CTDP1: variants seen among roughly 807,000 people sequenced by gnomAD.
The protein encoded by CTDP1 is RNA polymerase II subunit A C-terminal domain phosphatase.
Under a neutral mutation model 91.8 loss-of-function variants are expected in CTDP1, and 47 were observed. That is an observed-to-expected ratio of 0.51 (90% CI 0.41 to 0.65). CTDP1 has a LOEUF of 0.65. Among genes scored for constraint, CTDP1 ranks in the 30% least tolerant of loss-of-function variants. CTDP1 has a pLI of 0.00. For missense variants in CTDP1, 1,272 were observed against 1,373.7 expected, an observed-to-expected ratio of 0.93 and a Z score of 1.17; for synonymous variants, 656 against 598.5, an observed-to-expected ratio of 1.10 and a Z score of -1.40.
chr18:79,679,934 G>A lies in CTDP1; in HGVS notation c.-14G>A, dbSNP rs1370294922. ...CAGGCCCCGTACCGACCGCCCGCCC[G>A]CCCTCTGTCCGCGATGGAGGTGCCG... is the stretch of plus-strand genomic sequence containing the variant. On this transcript the variant is annotated 5_prime_UTR_variant, in exon 1 of 13. Coordinates refer to ENST00000613122, the MANE Select transcript of CTDP1 (RefSeq NM_004715.5). The A allele has an allele frequency of 5.8e-6, 8 of 1,376,716 alleles. No homozygotes were observed. In the Admixed American group the frequency reaches 2.3e-4, roughly 40 times the overall value. The allele number at this position is 1,376,716 out of a possible 1,614,324, so 85.3% of individuals were successfully genotyped here.
In CTDP1 at chr18:79,679,934, G is replaced by T. The variant is rs1370294922; in HGVS notation, c.-14G>T. ...CAGGCCCCGTACCGACCGCCCGCCC[G>T]CCCTCTGTCCGCGATGGAGGTGCCG... On this transcript the variant is annotated 5_prime_UTR_variant, in exon 1 of 13. Coordinates refer to ENST00000613122, the MANE Select transcript of CTDP1 (RefSeq NM_004715.5). 7.3e-7 allele frequency: 1 copy of T among 1,376,718 alleles called. No homozygotes were observed. The highest frequency in any genetic ancestry group is 9.4e-7 in the Non-Finnish European group (1 of 1,060,562). The allele number at this position is 1,376,718 out of a possible 1,614,324, so 85.3% of individuals were successfully genotyped here.
intron 10 of CTDP1, among the ~76,000 whole-genome samples, chr18:79,726,883 CGTTGCTGGTGG>C (rs1568206077): frequency 2.9e-5 from 2 of 68,248 alleles, no homozygotes; most frequent in African/African-American, 8.2e-5. Context: ...GGGGTGACGC[CGTTGCTGGTGG>C]ATGGCTGTCG....
In CTDP1 at chr18:79,681,509, C is replaced by T. The variant is rs960981713; in HGVS notation, c.314+1248C>T. ...GATTGTACAGAAAGGGCTGCTTTGG[C>T]CTAGACAGGTGAGTAACTTGGTTAT... On this transcript the variant is annotated intron_variant, in intron 1 of 12. Coordinates refer to ENST00000613122, the MANE Select transcript of CTDP1 (RefSeq NM_004715.5). 7 of 984,724 alleles carry T rather than the reference C, an allele frequency of 7.1e-6. No individual in the cohort carries two copies. The African/African-American group carries it at 1.2e-4, about 17-fold the overall frequency. The allele number at this position is 984,724 out of a possible 1,614,324, so 61.0% of individuals were successfully genotyped here.
chr18:79,682,981 A>G (rs1173964936), intron 1 of CTDP1: 1 of 152,162 alleles, frequency 6.6e-6, no homozygotes, highest in Non-Finnish European at 1.5e-5. Context: ...TTTCACTTAA[A>G]AGGTTTTTCC....
intron 6 of CTDP1, 22 bp downstream of exon 6, chr18:79,710,458 T>C: frequency 2.6e-6 from 4 of 1,514,484 alleles, no homozygotes; most frequent in Non-Finnish European, 3.7e-6. Context: ...GCCGCGCTCC[T>C]CACAAAGACC....
At chr18:79,693,487 T>C (rs1449567648) in intron 1 of CTDP1, among the ~76,000 whole-genome samples, 2 of 152,202 alleles carry the variant, frequency 1.3e-5, no homozygotes, top group Non-Finnish European at 2.9e-5. Flanking sequence ...TCCAAACTGC[T>C]TGGAAACAGA....
Position 79,713,097 on chromosome 18 carries a change from A to G in CTDP1, c.989A>G (p.Asn330Ser), listed in dbSNP as rs2086116118. 1 of 1,614,140 alleles carries G rather than the reference A, an allele frequency of 6.2e-7. No homozygotes were observed. ...YVYFQGTGDM[N>S]APPGSRESQT... ...TACTTCCAGGGCACGGGTGATATGAATGCGCCCCCTGGGTCCCGAGAATCT... is the reference window on the plus strand; with the variant it reads ...TACTTCCAGGGCACGGGTGATATGAGTGCGCCCCCTGGGTCCCGAGAATCT... Residue 330 changes from asparagine to serine, a missense_variant, in exon 7 of 13, where the codon AAT becomes AGT. Transcript: ENST00000613122. This position sits in a 1 kb window ranked among gnomAD's most constrained non-coding sequence, Gnocchi z 4.7.
In CTDP1 at chr18:79,753,721, T is replaced by C. The variant is rs626169; in HGVS notation, c.2817T>C (p.Asp939=). Residue 939 remains aspartate, a synonymous_variant, in exon 13 of 13, where the codon GAT becomes GAC. Transcript: ENST00000613122. ...CCAGCAGGGAGTCCAGCAACGAGGA[T>C]GAGGGCAGCAGCTCCGAGGCCGACG... is the stretch of plus-strand genomic sequence containing the variant. ...SESSRESSNE[D]EGSSSEADEM... 0.98 allele frequency: 1,580,941 copies of C among 1,614,048 alleles called. 777,656 individuals are homozygous for C. Among genetic ancestry groups the C allele is most frequent in the East Asian group, 1 (44,860 of 44,862 alleles).
intron 6 of CTDP1, among the ~76,000 whole-genome samples, chr18:79,711,403 A>T (rs113175569): frequency 0.028 from 4,329 of 152,158 alleles, 212 homozygotes; most frequent in African/African-American, 0.099. Flanking sequence ...CTGAGTATCC[A>T]GGGAATGGCC....
At chr18:79,706,646 T>C (rs1211062317) in intron 5 of CTDP1, among the ~76,000 whole-genome samples, 2 of 152,274 alleles carry the variant, frequency 1.3e-5, no homozygotes, top group South Asian at 4.1e-4. Context: ...ATTTCATCAC[T>C]AAGAATTTAT....
At chr18:79,686,590 C>G (rs2085499148) in intron 1 of CTDP1, among the ~76,000 whole-genome samples, 1 of 152,256 alleles carries the variant, frequency 6.6e-6, no homozygotes, top group African/African-American at 2.4e-5. Context: ...TGAGCTAAAA[C>G]TTAACTCATT....
chr18:79,715,063 G>A lies in CTDP1; in HGVS notation c.1603G>A (p.Glu535Lys). Residue 535 changes from glutamate (E) to lysine (K), a missense_variant, in exon 8 of 13, where the codon GAG becomes AAG. Physicochemically the swap from Glu to Lys is moderately conservative, Grantham distance 56. Transcript: ENST00000613122. ...DKEPELGGQE[E>K]GERDGLCGLG... is the part of the protein sequence containing the mutation. ...GGAGCCTGAGCTGGGTGGGCAGGAG[G>A]AGGGCGAGCGGGATGGCCTCTGCGG... 1 of 1,611,772 alleles carries A rather than the reference G, an allele frequency of 6.2e-7. No individual in the cohort carries two copies. The highest frequency in any genetic ancestry group is 8.5e-7 in the Non-Finnish European group (1 of 1,179,454).
chr18:79,686,336 A>G (rs960495237), intron 1 of CTDP1, among the ~76,000 whole-genome samples: 1 of 152,226 alleles, frequency 6.6e-6, no homozygotes, highest in Non-Finnish European at 1.5e-5. Context: ...TGTGTGTTTT[A>G]AAAGTGCACA....
chr18:79,753,623 C>T, intron 12 of CTDP1, 29 bp from the exon 13 acceptor site: 1 of 1,614,032 alleles, frequency 6.2e-7, no homozygotes, highest in Non-Finnish European at 8.5e-7. Context: ...TTGCCACAAG[C>T]ATCTCACACC....
chr18:79,744,405 C>G (rs1054534032), intron 12 of CTDP1, among the ~76,000 whole-genome samples: 5 of 152,056 alleles, frequency 3.3e-5, no homozygotes, highest in Non-Finnish European at 7.4e-5. Context: ...TCACTTAATG[C>G]AAAAGAAAAC....
intron 8 of CTDP1, among the ~76,000 whole-genome samples, chr18:79,716,291 C>G (rs193232515): frequency 1.3e-5 from 2 of 152,322 alleles, no homozygotes; most frequent in Admixed American, 1.3e-4. Context: ...GGGGTGAGCT[C>G]ATCCCTGTCC....
rs2086124597 is a variant in CTDP1 at position 79,713,524 on chromosome 18, G to A, written c.1030+386G>A. On this transcript the variant is annotated intron_variant, in intron 7 of 12. Transcript: ENST00000613122. This position sits in a 1 kb window ranked among gnomAD's most constrained non-coding sequence, Gnocchi z 4.7. ...TCTGCGGGGAATAACCGTTCCCCAT[G>A]CGCAGTGGTCAGGCTGGGCGCTGGC... 6.6e-6 allele frequency among the ~76,000 whole-genome samples: 1 copy of A among 152,228 alleles called. No individual in the cohort carries two copies. The highest frequency in any genetic ancestry group is 6.5e-5 in the Admixed American group (1 of 15,288).
At chr18:79,738,663 C>A (rs2086715713) in intron 12 of CTDP1, among the ~76,000 whole-genome samples, 1 of 152,188 alleles carries the variant, frequency 6.6e-6, no homozygotes, top group African/African-American at 2.4e-5. Flanking sequence ...AATCCAGTTA[C>A]AAAATTGGGC....
Position 79,753,833 on chromosome 18 carries a change from C to T in CTDP1, c.*43C>T, listed in dbSNP as rs746006273. On this transcript the variant is annotated 3_prime_UTR_variant, in exon 13 of 13. Transcript: ENST00000613122. ...GGACTGAAGCCTGACCGACCTCCAG[C>T]AGCACTCGGACGTCCCCGGACCAGC... 1.9e-6 allele frequency: 3 copies of T among 1,603,178 alleles called. No homozygotes were observed. Among genetic ancestry groups the T allele is most frequent in the Admixed American group, 1.7e-5 (1 of 58,564 alleles).
Sources: gnomAD v4.1 joint callset for allele counts (sites outside exome capture counted in the v4.1 genomes callset) on GRCh38, gnomAD v4.1.1 for gene constraint, Gnocchi (gnomAD v3.1) non-coding constraint, MANE v1.5 for transcripts, NCBI Gene and HGNC (gene_info 2026-07-23, HGNC 2026-07-21) for gene names.